Variants in ZC3H4 observed in about 807,000 individuals in gnomAD.
ZC3H4 encodes zinc finger CCCH domain-containing protein 4.
A neutral mutation model predicts 108.3 loss-of-function variants in ZC3H4; 13 were observed. The observed-to-expected ratio is 0.12, with a 90% CI of 0.08 to 0.19. The LOEUF (loss-of-function observed/expected upper bound fraction) is 0.19. Ranked by LOEUF, ZC3H4 falls within the 10% of genes least tolerant of loss-of-function variation. The pLI is 1.00. For synonymous variants in ZC3H4, 917 were observed against 749.6 expected, an observed-to-expected ratio of 1.22 and a Z score of -3.65; for missense variants, 1,734 against 1,838.8, an observed-to-expected ratio of 0.94 and a Z score of 1.04.
At chr19:47,104,488 T>C (rs1357805272) in intron 2 of ZC3H4, among the ~76,000 whole-genome samples, 1 of 152,196 alleles carries the variant, frequency 6.6e-6, no homozygotes, top group East Asian at 1.9e-4. Context: ...TCAGTGCATA[T>C]TCTATATGAA....
intron 3 of ZC3H4, 33 bp from the exon 4 acceptor site, chr19:47,094,113 T>C (rs931454818): frequency 1.9e-5 from 30 of 1,602,598 alleles, no homozygotes; most frequent in Middle Eastern, 1.7e-4. Flanking sequence ...CTCAGCAACC[T>C]GCCACAGGCA....
chr19:47,071,965 C>CGGCATGTCTGCG lies in ZC3H4; in HGVS notation c.1947_1958dup (p.Ala650_Pro653dup), dbSNP rs1568533697. ...GGCCAGGATTCATGCCAGGGCCCAT[C>CGGCATGTCTGCG]GGCATGTCTGCGTGCATGTCTGCGT... On this transcript the variant is annotated inframe_insertion, in exon 13 of 15. Coordinates refer to ENST00000253048, the MANE Select transcript of ZC3H4 (RefSeq NM_015168.2). The CGGCATGTCTGCG allele has an allele frequency of 6.2e-7, 1 of 1,611,934 alleles. No homozygotes were observed. The highest frequency in any genetic ancestry group is 2.2e-5 in the East Asian group (1 of 44,834).
chr19:47,095,898 C>T (rs537865273), intron 2 of ZC3H4, among the ~76,000 whole-genome samples: 14 of 152,250 alleles, frequency 9.2e-5, no homozygotes, highest in African/African-American at 2.9e-4. Flanking sequence ...GGAAACATCA[C>T]GAGCCCAGGC....
rs751326780 is a variant in ZC3H4 at position 47,069,352 on chromosome 19, G to A, written c.2147-9C>T. On this transcript the variant is annotated splice_polypyrimidine_tract_variant and intron_variant, in intron 13 of 14. Coordinates refer to ENST00000253048, the MANE Select transcript of ZC3H4 (RefSeq NM_015168.2). ...GTAGTGCCCGTAGTCCTCTGTGGCA[G>A]GGAAGAACCGAGGGTTCATGTCGGG... 6.8e-6 allele frequency: 11 copies of A among 1,610,166 alleles called. No homozygotes were observed. The highest frequency in any genetic ancestry group is 9.3e-6 in the Non-Finnish European group (11 of 1,178,496).
At chr19:47,106,022 C>T (rs950559743) in intron 2 of ZC3H4, among the ~76,000 whole-genome samples, 2 of 152,198 alleles carry the variant, frequency 1.3e-5, no homozygotes, top group South Asian at 4.1e-4. Context: ...CAAGTGACTT[C>T]ACCTCTCTGT....
intron 2 of ZC3H4, chr19:47,112,035 G>C: frequency 3.7e-6 from 3 of 805,378 alleles, no homozygotes; most frequent in Non-Finnish European, 4.5e-6. Flanking sequence ...GTAGCTGCCA[G>C]CTCCGGGCGC....
chr19:47,074,868 C>T (rs1215177668), intron 11 of ZC3H4, among the ~76,000 whole-genome samples: 1 of 152,182 alleles, frequency 6.6e-6, no homozygotes, highest in African/African-American at 2.4e-5. Context: ...GTACTCATTC[C>T]CAGGGCTGAG....
In ZC3H4 at chr19:47,066,104, A is replaced by T. The variant is rs574529524; in HGVS notation, c.*252T>A. The T allele has an allele frequency of 3.0e-4, 106 of 354,066 alleles. No homozygotes were observed. Among genetic ancestry groups the T allele is most frequent in the African/African-American group, 2.0e-3 (97 of 47,584 alleles). 21.9% of individuals were successfully genotyped at this position (354,066 alleles called of 1,614,324 possible). A position where few individuals can be genotyped will look rare whatever the true frequency, so the allele number is the denominator to read the frequency against. ...GGCGAAAGTTCACAGGTTTGCGGGCATGAGTCGGTTTGCTCAGCAGGAGCC... is the reference window on the plus strand; with the variant it reads ...GGCGAAAGTTCACAGGTTTGCGGGCTTGAGTCGGTTTGCTCAGCAGGAGCC... On this transcript the variant is annotated 3_prime_UTR_variant, in exon 15 of 15. Coordinates refer to ENST00000253048, the MANE Select transcript of ZC3H4 (RefSeq NM_015168.2).
At position 47,066,474 on chromosome 19, in the gene ZC3H4, G is replaced by A. The variant is rs766266343; in HGVS notation, c.3794C>T (p.Thr1265Met). Reference sequence around the variant, plus strand: ...CCCAGCAAATGGGCTTCCTGAGCCCGTCTTGGGTGTCTGCTTCACCGTCCC... The same window carrying A: ...CCCAGCAAATGGGCTTCCTGAGCCCATCTTGGGTGTCTGCTTCACCGTCCC... ...LFGTVKQTPKTGSGSPFAGNS... is the reference protein window; with the variant it reads ...LFGTVKQTPKMGSGSPFAGNS... The change falls in exon 15 of 15, where the codon ACG becomes ATG. Residue 1265 changes from threonine (T) to methionine (M), a missense_variant. By Grantham distance (81) the Thr-to-Met change is moderately conservative. Transcript: ENST00000253048. The A allele has an allele frequency of 1.3e-5, 21 of 1,581,990 alleles. No individual in the cohort carries two copies. Among genetic ancestry groups the A allele is most frequent in the South Asian group, 1.2e-4 (10 of 85,692 alleles).
intron 13 of ZC3H4, 89 bp downstream of exon 13, chr19:47,071,689 G>A (rs2057327952): frequency 7.2e-7 from 1 of 1,395,396 alleles, no homozygotes; most frequent in Admixed American, 2.5e-5. Context: ...AAGAGACTTG[G>A]ACGAAGGAAG....
chr19:47,087,609 T>C (rs2057654463), intron 5 of ZC3H4, among the ~76,000 whole-genome samples: 1 of 152,186 alleles, frequency 6.6e-6, no homozygotes, highest in Non-Finnish European at 1.5e-5. Context: ...CCAGGCGCAG[T>C]GGTTCACACC....
intron 11 of ZC3H4, among the ~76,000 whole-genome samples, chr19:47,077,193 A>C (rs2057437992): frequency 1.3e-5 from 2 of 151,164 alleles, no homozygotes; most frequent in Non-Finnish European, 3.0e-5. Context: ...ACTATATATC[A>C]GGTGCGGTGG....
chr19:47,112,560 G>A lies in ZC3H4; in HGVS notation c.25C>T (p.Pro9Ser). 1 of 1,028,384 alleles carries A rather than the reference G, an allele frequency of 9.7e-7. No individual in the cohort carries two copies. The highest frequency in any genetic ancestry group is 1.3e-6 in the Non-Finnish European group (1 of 797,168). The allele number at this position is 1,028,384 out of a possible 1,614,324, so 63.7% of individuals were successfully genotyped here. Residue 9 changes from proline (P) to serine (S), a missense_variant, in exon 2 of 15, where the codon CCG becomes TCG. Transcript: ENST00000253048. The part of the protein sequence containing the change: MEAAPGTP[P>S]PPPSESPPPP... ...GGCGGCGACTCTGATGGCGGCGGCG[G>A]GGGGGTCCCGGGCGCGGCCTCCATA...
Position 47,094,482 on chromosome 19 carries a change from C to T in ZC3H4, c.288G>A (p.Glu96=), listed in dbSNP as rs200720088. ...KGEKHHSDSD[E]EKSHRRLKRK... ...GCTTCAGTCTCCTGTGGGACTTCTC[C>T]TCATCCGAATCACTGTGATGCTTCT... The change falls in exon 3 of 15, where the codon GAG becomes GAA. Residue 96 remains glutamate, a synonymous_variant. Coordinates refer to ENST00000253048, the MANE Select transcript of ZC3H4 (RefSeq NM_015168.2). 289 of 1,614,228 alleles carry T rather than the reference C, an allele frequency of 1.8e-4. 1 individual carries two copies. In the Middle Eastern group the frequency reaches 4.6e-3, roughly 26 times the overall value.
intron 2 of ZC3H4, among the ~76,000 whole-genome samples, chr19:47,109,877 A>G (rs758950555): frequency 2.0e-5 from 3 of 152,148 alleles, no homozygotes; most frequent in Non-Finnish European, 4.4e-5. Flanking sequence ...TATGCTTGTA[A>G]AACACATCAG....
intron 11 of ZC3H4, among the ~76,000 whole-genome samples, chr19:47,080,150 G>A (rs1173117269): frequency 6.6e-6 from 1 of 152,168 alleles, no homozygotes; most frequent in Non-Finnish European, 1.5e-5. Flanking sequence ...GAACCTCCTT[G>A]TGAACTAGAA....
At chr19:47,085,535 C>T (rs543494802) in intron 6 of ZC3H4, 121 bp from the exon 7 acceptor site, 7 of 846,438 alleles carry the variant, frequency 8.3e-6, no homozygotes, top group Admixed American at 5.5e-5. Context: ...TACCATAACC[C>T]GTTTCCACAC....
intron 13 of ZC3H4, among the ~76,000 whole-genome samples, chr19:47,070,283 C>T (rs1288529197): frequency 6.6e-6 from 1 of 152,166 alleles, no homozygotes; most frequent in Non-Finnish European, 1.5e-5. Context: ...GCACTTGTAA[C>T]TTAGCTTACA....
chr19:47,070,710 T>C (rs2057310911), intron 13 of ZC3H4, among the ~76,000 whole-genome samples: 1 of 152,128 alleles, frequency 6.6e-6, no homozygotes, highest in Non-Finnish European at 1.5e-5. Flanking sequence ...CACATTTTGA[T>C]CTCTAGCCTG....
Sources: allele counts gnomAD v4.1 joint callset (sites outside exome capture counted in the v4.1 genomes callset), GRCh38; gene constraint gnomAD v4.1.1; transcripts MANE v1.5; gene names NCBI Gene and HGNC (gene_info 2026-07-23, HGNC 2026-07-21).